PKD2: variants seen among roughly 807,000 people sequenced by gnomAD.
PKD2 encodes polycystin 2, transient receptor potential cation channel, also known as polycystin-2.
A neutral mutation model predicts 105.9 loss-of-function variants in PKD2; 48 were observed. The observed-to-expected ratio is 0.45, with a 90% CI of 0.36 to 0.58. The LOEUF (loss-of-function observed/expected upper bound fraction) is 0.58, where lower values mean the gene tolerates loss of function less well. Among genes scored for constraint, PKD2 ranks in the 20% least tolerant of loss-of-function variants. The pLI is 0.00. For synonymous variants in PKD2, 464 were observed against 481.1 expected, an observed-to-expected ratio of 0.96 and a Z score of 0.46; for missense variants, 1,078 against 1,255.3, an observed-to-expected ratio of 0.86 and a Z score of 2.13.
chr4:88,066,878 G>A (rs1720816147), intron 12 of PKD2, among the ~76,000 whole-genome samples: 1 of 152,114 alleles, frequency 6.6e-6, no homozygotes, highest in African/African-American at 2.4e-5. Context: ...ACTTTCCTAT[G>A]AGAAGTCTAG....
chr4:88,051,893 T>A, intron 6 of PKD2, 98 bp from the exon 7 acceptor site: 1 of 691,886 alleles, frequency 1.4e-6, no homozygotes, highest in Non-Finnish European at 2.5e-6. Context: ...TGAGCCCTTA[T>A]AATTAATACA....
intron 6 of PKD2, 80 bp downstream of exon 6, chr4:88,046,950 T>A (rs1490478050): frequency 3.6e-6 from 3 of 844,872 alleles, no homozygotes; most frequent in Non-Finnish European, 6.2e-6. Flanking sequence ...CTCAGCATTG[T>A]GGATCTTGAT....
In PKD2 at chr4:88,007,702, G is replaced by A; in HGVS notation, c.-32G>A. 8.6e-7 allele frequency: 1 copy of A among 1,164,366 alleles called. No individual in the cohort carries two copies. The highest frequency in any genetic ancestry group is 4.1e-5 in the Admixed American group (1 of 24,366). The allele number at this position is 1,164,366 out of a possible 1,614,324, so 72.1% of individuals were successfully genotyped here. ...GGCGCACAGCGCCGAGCGCGGCGCC[G>A]CGCACCCGCGCGCCGGACGCCAGTG... is the stretch of plus-strand genomic sequence containing the variant. On this transcript the variant is annotated 5_prime_UTR_variant, in exon 1 of 15. Transcript: ENST00000237596.
chr4:88,058,755 A>G (rs943917708), intron 9 of PKD2, among the ~76,000 whole-genome samples: 1 of 152,172 alleles, frequency 6.6e-6, no homozygotes, highest in Admixed American at 6.5e-5. Flanking sequence ...AATTATTTTC[A>G]AAAATAATTT....
intron 7 of PKD2, among the ~76,000 whole-genome samples, chr4:88,055,316 G>A (rs1312928753): frequency 6.6e-6 from 1 of 152,100 alleles, no homozygotes; most frequent in African/African-American, 2.4e-5. Flanking sequence ...AGAATTTCCT[G>A]GGGGGTTTTA....
At chr4:88,025,791 C>T (rs1339279552) in intron 2 of PKD2, among the ~76,000 whole-genome samples, 1 of 152,108 alleles carries the variant, frequency 6.6e-6, no homozygotes, top group Non-Finnish European at 1.5e-5. Flanking sequence ...CTCTGCTGTT[C>T]TCATGATAGT....
At position 88,052,354 on chromosome 4, in the gene PKD2, G is replaced by A. The variant is rs559669630; in HGVS notation, c.1716+196G>A. ...TATGATTACAGCTCATTGCAGCCTC[G>A]ACTTCCCAGGCCCAAGCGATCCTCC... On this transcript the variant is annotated intron_variant, in intron 7 of 14. Coordinates refer to ENST00000237596, the MANE Select transcript of PKD2 (RefSeq NM_000297.4). Among the ~76,000 whole-genome samples the A allele has an allele frequency of 9.3e-4, 141 of 152,136 alleles. 1 individual carries two copies. The highest frequency in any genetic ancestry group is 3.9e-3 in the South Asian group (19 of 4,816).
intron 6 of PKD2, among the ~76,000 whole-genome samples, chr4:88,047,412 T>G (rs1274602712): frequency 6.6e-6 from 1 of 151,454 alleles, no homozygotes; most frequent in Non-Finnish European, 1.5e-5. Context: ...AAAAATTTAA[T>G]TAGTCAGGCA....
intron 1 of PKD2, among the ~76,000 whole-genome samples, chr4:88,012,656 A>G (rs2725232): frequency 0.78 from 119,281 of 152,064 alleles, 46,932 homozygotes; most frequent in African/African-American, 0.84. Context: ...GACTTAACAC[A>G]ATTTATTTCC....
At chr4:88,027,046 C>T (rs1314921677) in intron 2 of PKD2, among the ~76,000 whole-genome samples, 1 of 152,228 alleles carries the variant, frequency 6.6e-6, no homozygotes, top group Non-Finnish European at 1.5e-5. Flanking sequence ...AGAACCTCTG[C>T]TAGGGCAATG....
chr4:88,039,970 G>A (rs1727496234), intron 4 of PKD2, among the ~76,000 whole-genome samples: 1 of 151,948 alleles, frequency 6.6e-6, no homozygotes, highest in Admixed American at 6.6e-5. Context: ...CTTCATCTGT[G>A]GTACCCTTTC....
intron 2 of PKD2, among the ~76,000 whole-genome samples, chr4:88,032,365 G>C (rs553720075): frequency 3.3e-5 from 5 of 152,174 alleles, no homozygotes; most frequent in Non-Finnish European, 5.9e-5. Context: ...GTTGGTGGTT[G>C]TTAAGGCACC....
Position 88,076,787 on chromosome 4 carries a change from A to C in PKD2, c.*1093A>C, listed in dbSNP as rs955155727. ...AATCACTTGAGCCCAGGAGTTCAAG[A>C]CCAACATGGGCAATGTGGCGAAACT... On this transcript the variant is annotated 3_prime_UTR_variant, in exon 15 of 15. Transcript: ENST00000237596. 6.6e-6 allele frequency: 1 copy of C among 152,264 alleles called. No individual in the cohort carries two copies. Among genetic ancestry groups the C allele is most frequent in the African/African-American group, 2.4e-5 (1 of 41,470 alleles). The allele number at this position is 152,264 out of a possible 1,614,324, so 9.4% of individuals were successfully genotyped here.
At chr4:88,037,304 A>C (rs1247984581) in intron 3 of PKD2, among the ~76,000 whole-genome samples, 1 of 152,136 alleles carries the variant, frequency 6.6e-6, no homozygotes, top group African/African-American at 2.4e-5. Context: ...AGTTCAACCC[A>C]ATCCAGCCCC....
At chr4:88,031,542 CTT>C (rs1239343115) in intron 2 of PKD2, among the ~76,000 whole-genome samples, 1 of 151,918 alleles carries the variant, frequency 6.6e-6, no homozygotes, top group African/African-American at 2.4e-5. Context: ...GTTCTACTGT[CTT>C]TATATATCTA....
At chr4:88,075,035 A>G (rs1721182471) in intron 14 of PKD2, 76 bp downstream of exon 14, 2 of 1,498,510 alleles carry the variant, frequency 1.3e-6, no homozygotes, top group African/African-American at 1.4e-5. Context: ...TGACAGTTGT[A>G]TTTGAAGTAT....
intron 1 of PKD2, among the ~76,000 whole-genome samples, chr4:88,011,460 A>G (rs1248630719): frequency 6.6e-6 from 1 of 151,984 alleles, no homozygotes; most frequent in Non-Finnish European, 1.5e-5. Context: ...CTCGTGTAAC[A>G]TTTTAGAGAG....
In PKD2 at chr4:88,036,270, T is replaced by C. The variant is rs1560607196; in HGVS notation, c.760T>C (p.Ser254Pro). 6.2e-7 allele frequency: 1 copy of C among 1,613,900 alleles called. No individual in the cohort carries two copies. The highest frequency in any genetic ancestry group is 8.5e-7 in the Non-Finnish European group (1 of 1,179,830). The change falls in exon 3 of 15, where the codon TCA becomes CCA. Residue 254 changes from serine to proline, a missense_variant. This residue lies in a region of PKD2 where 868 missense variants were observed against 1,067.3 expected (regional missense o/e 0.81). Coordinates refer to ENST00000237596, the MANE Select transcript of PKD2 (RefSeq NM_000297.4). ...SNVYYYTRMM[S>P]QLFLDTPVSK... ...TGTGTACTACTACACCCGGATGATGTCACAGCTCTTCCTAGACACCCCCGT... is the reference window on the plus strand; with the variant it reads ...TGTGTACTACTACACCCGGATGATGCCACAGCTCTTCCTAGACACCCCCGT...
intron 7 of PKD2, among the ~76,000 whole-genome samples, chr4:88,052,410 A>T (rs971909750): frequency 1.3e-5 from 2 of 152,112 alleles, no homozygotes; most frequent in African/African-American, 2.4e-5. Flanking sequence ...CTGGGACTAC[A>T]GGCATGTGCC....
Sources: gnomAD v4.1 joint callset for allele counts (sites outside exome capture counted in the v4.1 genomes callset) on GRCh38, gnomAD v4.1.1 for gene constraint, gnomAD v4.1.1 regional missense constraint, MANE v1.5 for transcripts, NCBI Gene and HGNC (gene_info 2026-07-23, HGNC 2026-07-21) for gene names.